The following TENT5C variants were observed in gnomAD, a reference collection of about 807,000 sequenced individuals.
TENT5C encodes the protein family with sequence similarity 46 member C.
TENT5C carries 5 observed loss-of-function variants against 22.2 expected under a neutral mutation model. That is an observed-to-expected ratio of 0.22 (90% CI 0.12 to 0.47). The LOEUF (loss-of-function observed/expected upper bound fraction) is 0.47, where lower values mean the gene tolerates loss of function less well. Among genes scored for constraint, TENT5C ranks in the 20% least tolerant of loss-of-function variants. The pLI, the probability that TENT5C is intolerant of heterozygous loss-of-function variation, is 0.99. For synonymous variants in TENT5C, 199 were observed against 195.4 expected (o/e 1.02, Z -0.15); for missense variants, 364 against 500.9 (o/e 0.73, Z 2.61).
rs540812157 is a variant in TENT5C at position 117,620,594 on chromosome 1, C to T, written c.-27-2248C>T. Among the ~76,000 whole-genome samples, 429 of 152,270 alleles carry T rather than the reference C, an allele frequency of 2.8e-3. 3 individuals are homozygous for T. Among genetic ancestry groups the T allele is most frequent in the African/African-American group, 8.4e-3 (350 of 41,548 alleles). ...TCAGGGTTCCCCACCCCCCTGACCA[C>T]GGGCCAATACCAGTCCGTGGCCTGT... On this transcript the variant is annotated intron_variant, in intron 1 of 1. Transcript: ENST00000369448.
Position 117,624,116 on chromosome 1 carries a change from CTAGA to C in TENT5C, c.*74_*77del. On this transcript the variant is annotated 3_prime_UTR_variant, in exon 2 of 2. Transcript: ENST00000369448. ...GGCTCTCAGGTAGGGGAGCCTCCTTCTAGATGTAGGCATTTGGCTTTTAAAGGGG... is the reference window on the plus strand; with the variant it reads ...GGCTCTCAGGTAGGGGAGCCTCCTTCTGTAGGCATTTGGCTTTTAAAGGGG... 1 of 1,299,562 alleles carries C rather than the reference CTAGA, an allele frequency of 7.7e-7. No homozygotes were observed. The highest frequency in any genetic ancestry group is 1.1e-6 in the Non-Finnish European group (1 of 951,594). The allele number at this position is 1,299,562 out of a possible 1,614,324, so 80.5% of individuals were successfully genotyped here.
intron 1 of TENT5C, among the ~76,000 whole-genome samples, chr1:117,617,226 T>G (rs538953472): frequency 6.6e-6 from 1 of 152,154 alleles, no homozygotes; most frequent in East Asian, 1.9e-4. Context: ...TTTTCAGTGC[T>G]CAAACATAGG....
chr1:117,622,099 C>T (rs562647408), intron 1 of TENT5C, among the ~76,000 whole-genome samples: 1 of 152,290 alleles, frequency 6.6e-6, no homozygotes, highest in African/African-American at 2.4e-5. Flanking sequence ...GGTGACCTAA[C>T]TTTTTGTTGA....
At chr1:117,608,733 A>G (rs868529410) in intron 1 of TENT5C, among the ~76,000 whole-genome samples, 2 of 149,694 alleles carry the variant, frequency 1.3e-5, no homozygotes, top group Non-Finnish European at 3.0e-5. Flanking sequence ...AGAAATGGAA[A>G]CCCAAAGGCT....
Position 117,627,735 on chromosome 1 carries a change from C to G in TENT5C, c.*3691C>G, listed in dbSNP as rs755772187. ...ATTCAACCAGTTAAAATCAGAGGAC[C>G]AAGTCGTGGGGGAGGGGGGCGGTGT... On this transcript the variant is annotated 3_prime_UTR_variant, in exon 2 of 2. Transcript: ENST00000369448. The G allele has an allele frequency of 4.0e-5, 10 of 247,800 alleles. No individual in the cohort carries two copies. The highest frequency in any genetic ancestry group is 7.6e-5 in the Non-Finnish European group (9 of 118,102). The allele number at this position is 247,800 out of a possible 1,614,324, so 15.4% of individuals were successfully genotyped here. A position where few individuals can be genotyped will look rare whatever the true frequency, so the allele number is the denominator to read the frequency against.
chr1:117,606,228 T>G (rs1426243998), intron 1 of TENT5C, 75 bp downstream of exon 1: 1 of 151,920 alleles, frequency 6.6e-6, no homozygotes, highest in Non-Finnish European at 1.5e-5. Context: ...GCTCACTTAG[T>G]GGGGGTCCGC....
At chr1:117,619,289 G>C (rs984272074) in intron 1 of TENT5C, among the ~76,000 whole-genome samples, 1 of 152,170 alleles carries the variant, frequency 6.6e-6, no homozygotes, top group African/African-American at 2.4e-5. Flanking sequence ...ATCAGACTTA[G>C]TGATCTTTGC....
chr1:117,615,985 A>G (rs1657820), intron 1 of TENT5C, among the ~76,000 whole-genome samples: 37,982 of 151,866 alleles, frequency 0.25, 4,767 homozygotes, highest in Admixed American at 0.32. Flanking sequence ...GATCACTTTA[A>G]TGGCTATGAG....
chr1:117,607,136 A>G (rs932876083), intron 1 of TENT5C, among the ~76,000 whole-genome samples: 2 of 152,194 alleles, frequency 1.3e-5, no homozygotes, highest in Admixed American at 1.3e-4. Context: ...CCTGAACTCA[A>G]CGCTGGCGGG....
In TENT5C at chr1:117,626,309, A is replaced by G. The variant is rs1654011049; in HGVS notation, c.*2265A>G. On this transcript the variant is annotated 3_prime_UTR_variant, in exon 2 of 2. Transcript: ENST00000369448. ...TTATGTTTTTTCCCCCCCATCTGGT[A>G]ATAGTCCTCTTCTGAGAATGAAAGG... 1 of 247,850 alleles carries G rather than the reference A, an allele frequency of 4.0e-6. No homozygotes were observed. The highest frequency in any genetic ancestry group is 8.5e-6 in the Non-Finnish European group (1 of 117,974). 15.4% of individuals were successfully genotyped at this position (247,850 alleles called of 1,614,324 possible). A position where few individuals can be genotyped will look rare whatever the true frequency, so the allele number is the denominator to read the frequency against.
At chr1:117,606,726 A>AG (rs1180683323) in intron 1 of TENT5C, among the ~76,000 whole-genome samples, 3 of 151,942 alleles carry the variant, frequency 2.0e-5, no homozygotes, top group African/African-American at 7.3e-5. Flanking sequence ...CTGGTTGGGG[A>AG]GGGGAGGGGC....
intron 1 of TENT5C, among the ~76,000 whole-genome samples, chr1:117,614,934 C>T (rs1432953241): frequency 6.6e-6 from 1 of 152,072 alleles, no homozygotes; most frequent in East Asian, 1.9e-4. Flanking sequence ...CTTGGAGCTC[C>T]CTGGGAAGTT....
chr1:117,613,823 G>A lies in TENT5C; in HGVS notation c.-28+7670G>A, dbSNP rs943298408. Among the ~76,000 whole-genome samples the A allele has an allele frequency of 4.6e-5, 7 of 152,192 alleles. No individual in the cohort carries two copies. The South Asian group carries it at 6.2e-4, about 14-fold the overall frequency. ...AAAGACCAACTGTGGGGTTTGTTGC[G>A]TCACTGACTTAGAAATGTTTTCTCT... is the stretch of plus-strand genomic sequence containing the variant. On this transcript the variant is annotated intron_variant, in intron 1 of 1. Transcript: ENST00000369448.
rs199629223 is a variant in TENT5C, at chr1:117,617,202, C to CT, written c.-27-5628dup. Among the ~76,000 whole-genome samples, 608 of 147,200 alleles carry CT rather than the reference C, an allele frequency of 4.1e-3. 3 individuals carry two copies. Among genetic ancestry groups the CT allele is most frequent in the Middle Eastern group, 0.025 (7 of 280 alleles). On this transcript the variant is annotated intron_variant, in intron 1 of 1. Coordinates refer to ENST00000369448, the MANE Select transcript of TENT5C (RefSeq NM_017709.4). ...AGCTATGAAGCAGGACTAGAAATAG[C>CT]TTTTTTTTTTTTCTTTTCAGTGCTC...
rs1653944630 is a variant in TENT5C at position 117,623,529 on chromosome 1, G to A, written c.661G>A (p.Glu221Lys). The A allele has an allele frequency of 6.2e-7, 1 of 1,613,900 alleles. No individual in the cohort carries two copies. The highest frequency in any genetic ancestry group is 8.5e-7 in the Non-Finnish European group (1 of 1,179,986). ...IGESMYGDFEEAFDHLQNRLI... is the reference protein window; with the variant it reads ...IGESMYGDFEKAFDHLQNRLI... ...GGAGAGCATGTACGGGGACTTTGAG[G>A]AAGCTTTTGACCATCTGCAGAACAG... Residue 221 changes from glutamate to lysine, a missense_variant, in exon 2 of 2, where the codon GAA becomes AAA. Coordinates refer to ENST00000369448, the MANE Select transcript of TENT5C (RefSeq NM_017709.4).
intron 1 of TENT5C, among the ~76,000 whole-genome samples, chr1:117,622,461 C>T (rs1048372388): frequency 1.3e-5 from 2 of 152,058 alleles, no homozygotes; most frequent in Non-Finnish European, 2.9e-5. Flanking sequence ...TCAACCAGGT[C>T]GAGATGTGGT....
chr1:117,616,924 A>T (rs545277648), intron 1 of TENT5C, among the ~76,000 whole-genome samples: 80 of 152,338 alleles, frequency 5.3e-4, no homozygotes, highest in African/African-American at 1.9e-3. Context: ...ACTTAGATAT[A>T]TGCAGTCCTT....
rs1326098844 is a variant in TENT5C at position 117,625,397 on chromosome 1, T to A, written c.*1353T>A. The A allele has an allele frequency of 2.4e-5, 6 of 248,060 alleles. No homozygotes were observed. Among genetic ancestry groups the A allele is most frequent in the Non-Finnish European group, 5.1e-5 (6 of 118,120 alleles). 15.4% of individuals were successfully genotyped at this position (248,060 alleles called of 1,614,324 possible). ...TTGACTTGTTTATAATTCTGCACTT[T>A]AGAAGAAAAACAGTGTTAATCTGTA... On this transcript the variant is annotated 3_prime_UTR_variant, in exon 2 of 2. Transcript: ENST00000369448.
At chr1:117,608,553 G>T (rs1425772842) in intron 1 of TENT5C, among the ~76,000 whole-genome samples, 1 of 152,164 alleles carries the variant, frequency 6.6e-6, no homozygotes, top group Non-Finnish European at 1.5e-5. Context: ...ACTTAAAAGT[G>T]GGCTGTAGTG....
Sources: gnomAD v4.1 joint callset for allele counts (sites outside exome capture counted in the v4.1 genomes callset) on GRCh38, gnomAD v4.1.1 for gene constraint, MANE v1.5 for transcripts, NCBI Gene and HGNC (gene_info 2026-07-23, HGNC 2026-07-21) for gene names.